EFNA2: variants seen among roughly 807,000 people sequenced by gnomAD.
The protein encoded by EFNA2 is ephrin A2, also known as ephrin-A2.
EFNA2 carries 18 observed loss-of-function variants against 19.7 expected under a neutral mutation model. The ratio of observed to expected loss-of-function variants is 0.91; its 90% confidence interval spans 0.63 to 1.35. EFNA2 has a LOEUF of 1.35. Ranked by LOEUF, EFNA2 falls within the 40% of genes most tolerant of loss-of-function variation. EFNA2 has a pLI of 0.00. For synonymous variants in EFNA2, 187 were observed against 137.8 expected (o/e 1.36, Z -2.50); for missense variants, 303 against 296.0 (o/e 1.02, Z -0.17).
rs1181464312 is a variant in EFNA2 at position 1,286,553 on chromosome 19, C to G, written c.140+245C>G. ...CCTACGGACTGTGGGGACTCGCGCC[C>G]CACATCCCCCAGAGCGCCGACGTCT... On this transcript the variant is annotated intron_variant, in intron 1 of 3. Coordinates refer to ENST00000215368, the MANE Select transcript of EFNA2 (RefSeq NM_001405.4). The surrounding 1 kb of genome is among the most constrained non-coding windows in gnomAD (Gnocchi z 5.6). 6.6e-6 allele frequency among the ~76,000 whole-genome samples: 1 copy of G among 152,174 alleles called. No homozygotes were observed. Among genetic ancestry groups the G allele is most frequent in the East Asian group, 1.9e-4 (1 of 5,154 alleles).
At chr19:1,285,785 T>G (rs1175724243), upstream of EFNA2, among the ~76,000 whole-genome samples, 2 of 149,000 alleles carry the variant, frequency 1.3e-5, no homozygotes, top group African/African-American at 4.9e-5. This position sits in a 1 kb window ranked among gnomAD's most constrained non-coding sequence, Gnocchi z 4.1. Flanking sequence ...GGGCGCAGGC[T>G]GGAGACCCCC....
rs2081518021 is a variant in EFNA2, at chr19:1,296,827, T to G, written c.454+969T>G. On this transcript the variant is annotated intron_variant, in intron 2 of 3. Coordinates refer to ENST00000215368, the MANE Select transcript of EFNA2 (RefSeq NM_001405.4). The surrounding 1 kb of genome is among the most constrained non-coding windows in gnomAD (Gnocchi z 4.4). The stretch of plus-strand genomic sequence containing the variant: ...ATCTGAAGGTTGGGTGGCGGCAGCC[T>G]TGGGGATAGTCACATCTGCAGGACC... Among the ~76,000 whole-genome samples the G allele has an allele frequency of 6.6e-6, 1 of 152,106 alleles. No homozygotes were observed. Among genetic ancestry groups the G allele is most frequent in the Non-Finnish European group, 1.5e-5 (1 of 68,010 alleles).
upstream of EFNA2, among the ~76,000 whole-genome samples, chr19:1,285,200 C>A (rs574257290): frequency 6.2e-4 from 95 of 152,346 alleles, no homozygotes; most frequent in African/African-American, 2.2e-3. This position sits in a 1 kb window ranked among gnomAD's most constrained non-coding sequence, Gnocchi z 4.1. Context: ...GGTCTTTGCA[C>A]AAGCTGTGCC....
rs10417817 is a variant in EFNA2, at chr19:1,296,831, G to T, written c.454+973G>T. Among the ~76,000 whole-genome samples, 1 of 152,146 alleles carries T rather than the reference G, an allele frequency of 6.6e-6. No homozygotes were observed. Among genetic ancestry groups the T allele is most frequent in the Non-Finnish European group, 1.5e-5 (1 of 68,028 alleles). ...GAAGGTTGGGTGGCGGCAGCCTTGG[G>T]GATAGTCACATCTGCAGGACCCCAT... On this transcript the variant is annotated intron_variant, in intron 2 of 3. Transcript: ENST00000215368. This position sits in a 1 kb window ranked among gnomAD's most constrained non-coding sequence, Gnocchi z 4.4.
rs1417093852 is a variant in EFNA2 at position 1,296,791 on chromosome 19, G to A, written c.454+933G>A. Among the ~76,000 whole-genome samples, 3 of 152,224 alleles carry A rather than the reference G, an allele frequency of 2.0e-5. No individual in the cohort carries two copies. Among genetic ancestry groups the A allele is most frequent in the Non-Finnish European group, 2.9e-5 (2 of 68,036 alleles). On this transcript the variant is annotated intron_variant, in intron 2 of 3. Transcript: ENST00000215368. The surrounding 1 kb of genome is among the most constrained non-coding windows in gnomAD (Gnocchi z 4.4). ...CAGGCTCGGAGACTCCCTGAGGACCGTGGGGTCTTCATCTGAAGGTTGGGT... is the reference window on the plus strand; with the variant it reads ...CAGGCTCGGAGACTCCCTGAGGACCATGGGGTCTTCATCTGAAGGTTGGGT...
chr19:1,298,098 A>G (rs1021054062), intron 2 of EFNA2, among the ~76,000 whole-genome samples: 4 of 147,498 alleles, frequency 2.7e-5, no homozygotes, highest in African/African-American at 7.6e-5. Context: ...AAAAAAAAAA[A>G]AGAATCTTTC....
intron 3 of EFNA2, 39 bp downstream of exon 3, chr19:1,298,655 C>G: frequency 2.5e-6 from 4 of 1,606,224 alleles, no homozygotes; most frequent in African/African-American, 1.3e-5. Context: ...CAGGCCCCCA[C>G]CCCTGTGTCC....
In EFNA2 at chr19:1,295,445, C is replaced by T; in HGVS notation, c.141-100C>T. 1 of 1,278,526 alleles carries T rather than the reference C, an allele frequency of 7.8e-7. No homozygotes were observed. 79.2% of individuals were successfully genotyped at this position (1,278,526 alleles called of 1,614,324 possible). ...CCTCGCCGCGCACCCCGACCCGTCC[C>T]TCGTGCTCCTGTCCCCTGACCCTGG... On this transcript the variant is annotated intron_variant, in intron 1 of 3. Transcript: ENST00000215368. The surrounding 1 kb of genome is among the most constrained non-coding windows in gnomAD (Gnocchi z 5.8).
At position 1,298,632 on chromosome 19, in the gene EFNA2, G is replaced by C; in HGVS notation, c.520+16G>C. 6.2e-7 allele frequency: 1 copy of C among 1,613,208 alleles called. No homozygotes were observed. The highest frequency in any genetic ancestry group is 8.5e-7 in the Non-Finnish European group (1 of 1,179,654). Reference sequence around the variant, plus strand: ...CGGCCGACCAGTAAGTGCTCAGGGGGATGGGCAGGATCCAGGCCCCCACCC... The same window carrying C: ...CGGCCGACCAGTAAGTGCTCAGGGGCATGGGCAGGATCCAGGCCCCCACCC... On this transcript the variant is annotated intron_variant, in intron 3 of 3. Coordinates refer to ENST00000215368, the MANE Select transcript of EFNA2 (RefSeq NM_001405.4).
chr19:1,292,031 C>A (rs1347968500), intron 1 of EFNA2, among the ~76,000 whole-genome samples: 1 of 152,224 alleles, frequency 6.6e-6, no homozygotes, highest in Non-Finnish European at 1.5e-5. Flanking sequence ...GTCATTAACC[C>A]CTTAGTGAGA....
In EFNA2 at chr19:1,295,581, C is replaced by T; in HGVS notation, c.177C>T (p.Tyr59=). The change falls in exon 2 of 4, where the codon TAC becomes TAT. Residue 59 remains tyrosine, a synonymous_variant. Coordinates refer to ENST00000215368, the MANE Select transcript of EFNA2 (RefSeq NM_001405.4). This position sits in a 1 kb window ranked among gnomAD's most constrained non-coding sequence, Gnocchi z 5.8. ...HAGAGDDGGG[Y]TVEVSINDYL... is the part of the protein sequence containing the mutation. ...GCGCGGGGGACGACGGCGGGGGCTA[C>T]ACGGTGGAGGTGAGCATCAATGACT... 1.2e-6 allele frequency: 2 copies of T among 1,607,314 alleles called. No homozygotes were observed. The highest frequency in any genetic ancestry group is 1.1e-5 in the South Asian group (1 of 90,466).
In EFNA2 at chr19:1,299,837, C is replaced by T. The variant is rs140490619; in HGVS notation, c.534C>T (p.Tyr178=). The T allele has an allele frequency of 2.5e-6, 4 of 1,601,946 alleles. No individual in the cohort carries two copies. Among genetic ancestry groups the T allele is most frequent in the African/African-American group, 2.7e-5 (2 of 74,764 alleles). Reference sequence around the variant, plus strand: ...TGCCACCCGCAGACGAGACCCTGTACGAGGCTCCTGAGCCCATCTTCACCA... The same window carrying T: ...TGCCACCCGCAGACGAGACCCTGTATGAGGCTCCTGAGCCCATCTTCACCA... The part of the protein sequence containing the change: ...VYVRPTNETL[Y]EAPEPIFTSN... The change falls in exon 4 of 4, where the codon TAC becomes TAT. Residue 178 remains tyrosine, a synonymous_variant. Transcript: ENST00000215368.
intron 1 of EFNA2, among the ~76,000 whole-genome samples, chr19:1,293,943 C>T (rs1406096343): frequency 6.6e-6 from 1 of 152,244 alleles, no homozygotes; most frequent in Non-Finnish European, 1.5e-5. Flanking sequence ...GATAATCCCA[C>T]CACCCTCTCT....
Position 1,295,955 on chromosome 19 carries a change from A to T in EFNA2, c.454+97A>T. The T allele has an allele frequency of 6.7e-5, 21 of 311,176 alleles. No homozygotes were observed. The highest frequency in any genetic ancestry group is 4.2e-4 in the East Asian group (2 of 4,720). 19.3% of individuals were successfully genotyped at this position (311,176 alleles called of 1,614,324 possible). A position where few individuals can be genotyped will look rare whatever the true frequency, so the allele number is the denominator to read the frequency against. On this transcript the variant is annotated intron_variant, in intron 2 of 3. Transcript: ENST00000215368. This position sits in a 1 kb window ranked among gnomAD's most constrained non-coding sequence, Gnocchi z 5.8. The stretch of plus-strand genomic sequence containing the variant: ...CGGGACCACTGGGGTGGGGCCGGGG[A>T]GTGGGCGGGGCAGCGCAGTGGGCGG...
chr19:1,288,627 C>T (rs530314676), intron 1 of EFNA2, among the ~76,000 whole-genome samples: 6 of 152,100 alleles, frequency 3.9e-5, no homozygotes, highest in Admixed American at 2.0e-4. Flanking sequence ...GCAGCGTCGC[C>T]GGCCGCCCCT....
At chr19:1,289,411 A>G (rs754723917) in intron 1 of EFNA2, among the ~76,000 whole-genome samples, 2 of 152,154 alleles carry the variant, frequency 1.3e-5, no homozygotes, top group Non-Finnish European at 2.9e-5. Flanking sequence ...TGGCTGGCTG[A>G]GGGCCTGCAA....
At chr19:1,290,273 CTG>C (rs1209872848) in intron 1 of EFNA2, among the ~76,000 whole-genome samples, 2 of 152,158 alleles carry the variant, frequency 1.3e-5, no homozygotes, top group Admixed American at 1.3e-4. Flanking sequence ...ACCATGGTCT[CTG>C]TGTCTCACGG....
intron 1 of EFNA2, among the ~76,000 whole-genome samples, chr19:1,290,797 C>T (rs972394676): frequency 2.3e-4 from 35 of 152,286 alleles, no homozygotes; most frequent in African/African-American, 6.7e-4. Context: ...CCCACCGTCC[C>T]GTCGCCCCAG....
chr19:1,299,615 G>A (rs931212276), intron 3 of EFNA2, among the ~76,000 whole-genome samples: 2 of 151,178 alleles, frequency 1.3e-5, no homozygotes, highest in African/African-American at 4.9e-5. Context: ...AAAGAGTGAA[G>A]GTTGAATTCA....
Sources: allele counts gnomAD v4.1 joint callset (sites outside exome capture counted in the v4.1 genomes callset), GRCh38; gene constraint gnomAD v4.1.1; non-coding constraint Gnocchi (gnomAD v3.1); transcripts MANE v1.5; gene names NCBI Gene and HGNC (gene_info 2026-07-23, HGNC 2026-07-21).